The following OOEP variants were observed in gnomAD, a reference collection of about 807,000 sequenced individuals.
OOEP encodes oocyte-expressed protein homolog.
OOEP carries 16 observed loss-of-function variants against 13.7 expected under a neutral mutation model. The ratio of observed to expected loss-of-function variants is 1.16; its 90% CI spans 0.79 to 1.77. The LOEUF (loss-of-function observed/expected upper bound fraction) is 1.77, where lower values mean the gene tolerates loss of function less well. Ranked by LOEUF, OOEP falls within the 40% of genes most tolerant of loss-of-function variation. The probability of loss-of-function intolerance (pLI) is 0.00; values close to 1 mark genes in which losing one functional copy is unlikely to be tolerated. For missense variants in OOEP, 195 were observed against 193.1 expected, an observed-to-expected ratio of 1.01 and a Z score of -0.06; for synonymous variants, 89 against 77.1, an observed-to-expected ratio of 1.15 and a Z score of -0.81.
chr6:73,374,708 G>A (rs552036204), upstream of OOEP, among the ~76,000 whole-genome samples: 4 of 151,378 alleles, frequency 2.6e-5, no homozygotes, highest in East Asian at 4.0e-4. Flanking sequence ...GACATGAGCC[G>A]TGCCCAGCCT....
chr6:73,369,795 T>G lies in OOEP; in HGVS notation c.-3A>C, dbSNP rs1158257636. On this transcript the variant is annotated 5_prime_UTR_variant, in exon 1 of 3. Coordinates refer to ENST00000370359, the MANE Select transcript of OOEP (RefSeq NM_001080507.3). ...GCGGCACCAGCATCATCGACCATACTGGGACCAGCAGCCGCGGAGCGCGCT... is the reference window on the plus strand; with the variant it reads ...GCGGCACCAGCATCATCGACCATACGGGGACCAGCAGCCGCGGAGCGCGCT... 1.9e-6 allele frequency: 3 copies of G among 1,610,432 alleles called. No homozygotes were observed. The highest frequency in any genetic ancestry group is 2.7e-5 in the African/African-American group (2 of 74,890).
rs879665795 is a variant in OOEP, at chr6:73,369,758, C to T, written c.35G>A (p.Arg12Gln). ...GGAGTGGGCCGGAGTCTGTTTGCCC[C>T]GCTGGGACTCAGCGGCACCAGCATC... The part of the protein sequence containing the change: ...VDDAGAAESQ[R>Q]GKQTPAHSLE... The change falls in exon 1 of 3, where the codon CGG becomes CAG. Residue 12 changes from arginine (R) to glutamine (Q), a missense_variant. Transcript: ENST00000370359. 6.2e-6 allele frequency: 10 copies of T among 1,613,940 alleles called. No individual in the cohort carries two copies. Among genetic ancestry groups the T allele is most frequent in the Admixed American group, 5.0e-5 (3 of 60,028 alleles).
chr6:73,375,791 CTTTT>C (rs35879934), intron 2 of OOEP, among the ~76,000 whole-genome samples: 8 of 106,680 alleles, frequency 7.5e-5, no homozygotes, highest in African/African-American at 3.6e-5. Flanking sequence ...AATGATCTCC[CTTTT>C]TTTTTTTTTT....
rs1244927695 is a variant in OOEP at position 73,369,807 on chromosome 6, C to T, written c.-15G>A. ...TCATCGACCATACTGGGACCAGCAGCCGCGGAGCGCGCTCGAGGCGGCTTT... is the reference window on the plus strand; with the variant it reads ...TCATCGACCATACTGGGACCAGCAGTCGCGGAGCGCGCTCGAGGCGGCTTT... On this transcript the variant is annotated 5_prime_UTR_variant, in exon 1 of 3. Coordinates refer to ENST00000370359, the MANE Select transcript of OOEP (RefSeq NM_001080507.3). The T allele has an allele frequency of 6.2e-7, 1 of 1,606,244 alleles. No individual in the cohort carries two copies. Among genetic ancestry groups the T allele is most frequent in the Non-Finnish European group, 8.5e-7 (1 of 1,175,104 alleles).
chr6:73,386,198 G>C (rs900601634), intron 2 of OOEP, among the ~76,000 whole-genome samples: 2 of 151,226 alleles, frequency 1.3e-5, no homozygotes, highest in Admixed American at 6.6e-5. Context: ...GGGTTCAAGC[G>C]ATTCTCCTGC....
At chr6:73,376,473 T>TTTTATTGATTTA (rs1554233065) in intron 2 of OOEP, among the ~76,000 whole-genome samples, 2 of 148,924 alleles carry the variant, frequency 1.3e-5, no homozygotes, top group Non-Finnish European at 3.0e-5. Flanking sequence ...CGAAACATGA[T>TTTTATTGATTTA]TTTATTTATT....
intron 2 of OOEP, among the ~76,000 whole-genome samples, chr6:73,385,084 C>A (rs571877375): frequency 1.3e-4 from 20 of 150,800 alleles, no homozygotes; most frequent in African/African-American, 4.6e-4. Flanking sequence ...TGGTGGCTCA[C>A]GCCTGTAATC....
upstream of OOEP, among the ~76,000 whole-genome samples, chr6:73,371,788 G>C (rs1039145968): frequency 1.3e-5 from 2 of 151,594 alleles, no homozygotes; most frequent in Non-Finnish European, 2.9e-5. Flanking sequence ...AATTTGGCCA[G>C]TGTGTGGTGG....
At chr6:73,374,968 G>A (rs1470541855) in intron 2 of OOEP, among the ~76,000 whole-genome samples, 1 of 152,132 alleles carries the variant, frequency 6.6e-6, no homozygotes, top group Non-Finnish European at 1.5e-5. Context: ...TGGGATTACA[G>A]GCTCCTGCCA....
chr6:73,386,091 CTTTT>C (rs553140658), intron 2 of OOEP, among the ~76,000 whole-genome samples: 2 of 134,814 alleles, frequency 1.5e-5, no homozygotes, highest in South Asian at 2.4e-4. Context: ...ACATGCTTTT[CTTTT>C]TTTTTTTTTT....
chr6:73,375,948 C>T (rs1333127264), intron 2 of OOEP, among the ~76,000 whole-genome samples: 2 of 151,752 alleles, frequency 1.3e-5, no homozygotes, highest in African/African-American at 2.4e-5. Flanking sequence ...CCCGCCACCA[C>T]GGCCAGGTGA....
chr6:73,386,977 GAA>G (rs1169476638), intron 2 of OOEP, among the ~76,000 whole-genome samples: 747 of 30,762 alleles, frequency 0.024, no homozygotes, highest in East Asian at 0.078. Flanking sequence ...TTCCATCTCA[GAA>G]AAAAAAAAAA....
At chr6:73,375,152 T>C (rs1769119810) in intron 2 of OOEP, among the ~76,000 whole-genome samples, 1 of 152,198 alleles carries the variant, frequency 6.6e-6, no homozygotes, top group South Asian at 2.1e-4. Context: ...AAACAGACTT[T>C]CTTTGCTGAC....
Position 73,394,964 on chromosome 6 carries a change from G to A in OOEP, c.-364C>T, listed in dbSNP as rs150133353. 214 of 1,614,260 alleles carry A rather than the reference G, an allele frequency of 1.3e-4. No homozygotes were observed. In the African/African-American group the frequency reaches 2.6e-3, roughly 19 times the overall value. On this transcript the variant is annotated 5_prime_UTR_variant, in exon 1 of 4. Coordinates refer to the OOEP transcript ENST00000370363. ...ACGTGGGTCGTTGCTAGTCGGCGAA[G>A]CTCGACAGTGTCCCGAGCGCCAGAG...
intron 2 of OOEP, among the ~76,000 whole-genome samples, chr6:73,379,833 C>T (rs369746507): frequency 2.6e-5 from 4 of 151,966 alleles, no homozygotes; most frequent in African/African-American, 9.7e-5. Context: ...AGCAGTCTGC[C>T]CACTTCCAAC....
chr6:73,371,979 G>A (rs868162415), upstream of OOEP, among the ~76,000 whole-genome samples: 6 of 150,680 alleles, frequency 4.0e-5, no homozygotes, highest in Admixed American at 1.3e-4. Context: ...ATTGTGGCTC[G>A]TGCCTGTAAT....
At chr6:73,395,028 G>A in exon 1 of OOEP, 1 of 1,614,270 alleles carries the variant, frequency 6.2e-7, no homozygotes, top group Non-Finnish European at 8.5e-7. Flanking sequence ...CAGGTCCTGA[G>A]GGATATAGTG....
chr6:73,385,277 A>G (rs1769256695), intron 2 of OOEP, among the ~76,000 whole-genome samples: 1 of 151,572 alleles, frequency 6.6e-6, no homozygotes, highest in Non-Finnish European at 1.5e-5. Context: ...AACCCGGGAG[A>G]GGAGCTTGCA....
At chr6:73,394,606 GA>G (rs1769418363) in intron 1 of OOEP, 1 of 329,088 alleles carries the variant, frequency 3.0e-6, no homozygotes, top group Non-Finnish European at 5.6e-6. Flanking sequence ...GCCTGGAAAG[GA>G]ATACACAGTG....
Sources: allele counts gnomAD v4.1 joint callset (sites outside exome capture counted in the v4.1 genomes callset), GRCh38; gene constraint gnomAD v4.1.1; transcripts MANE v1.5; gene names NCBI Gene and HGNC (gene_info 2026-07-23, HGNC 2026-07-21).